The following PSIP1 variants were observed in gnomAD, a reference collection of about 807,000 sequenced individuals.
PSIP1 encodes PC4 and SRSF1 interacting protein 1.
A neutral mutation model predicts 74.7 loss-of-function variants in PSIP1; 19 were observed. That is an observed-to-expected ratio of 0.25 (90% CI 0.18 to 0.37). The LOEUF is 0.37. PSIP1 is among the 10% of genes least tolerant of loss of function. The pLI is 1.00. For missense variants in PSIP1, 601 were observed against 614.3 expected, an observed-to-expected ratio of 0.98 and a Z score of 0.23; for synonymous variants, 222 against 195.3, an observed-to-expected ratio of 1.14 and a Z score of -1.14.
chr9:15,472,331 C>A, intron 10 of PSIP1: 1 of 1,134,466 alleles, frequency 8.8e-7, no homozygotes, highest in Non-Finnish European at 1.1e-6. Flanking sequence ...TTATATTATA[C>A]AAACAAATGG....
At chr9:15,479,304 C>G (rs983698584) in intron 7 of PSIP1, among the ~76,000 whole-genome samples, 1 of 152,208 alleles carries the variant, frequency 6.6e-6, no homozygotes, top group African/African-American at 2.4e-5. Flanking sequence ...TCTTACGACT[C>G]TTAAGTGAAA....
intron 6 of PSIP1, among the ~76,000 whole-genome samples, chr9:15,482,206 C>G (rs1318697262): frequency 6.6e-6 from 1 of 152,138 alleles, no homozygotes; most frequent in African/African-American, 2.4e-5. Flanking sequence ...TTTGCTGTAT[C>G]TGTCCCACAA....
intron 3 of PSIP1, among the ~76,000 whole-genome samples, chr9:15,500,035 A>G (rs1307045275): frequency 1.3e-5 from 2 of 152,138 alleles, no homozygotes; most frequent in Non-Finnish European, 2.9e-5. Context: ...TCATTTCTAC[A>G]TTACTAAATC....
At position 15,510,109 on chromosome 9, in the gene PSIP1, T is replaced by C. The variant is rs147272916; in HGVS notation, c.72+8A>G. 3,554 of 1,601,626 alleles carry C rather than the reference T, an allele frequency of 2.2e-3. 57 individuals carry two copies. In the African/African-American group the frequency reaches 0.038, roughly 17 times the overall value. ...CACTGCTAAGCGCGAGGGCTACAAA[T>C]CACTTACTCGAGCTGGCCAATGGGG... On this transcript the variant is annotated splice_region_variant and intron_variant, in intron 2 of 15. Coordinates refer to ENST00000380733, the MANE Select transcript of PSIP1 (RefSeq NM_033222.5).
At chr9:15,474,311 T>C in intron 8 of PSIP1, 74 bp from the exon 9 acceptor site, 2 of 1,320,632 alleles carry the variant, frequency 1.5e-6, no homozygotes, top group South Asian at 1.5e-5. Flanking sequence ...TAAGCTATAA[T>C]TTTTAATTTA....
intron 3 of PSIP1, among the ~76,000 whole-genome samples, chr9:15,501,158 G>C: frequency 6.6e-6 from 1 of 151,838 alleles, no homozygotes; most frequent in East Asian, 1.9e-4. Context: ...TATATAGCAG[G>C]TAAATGGCAG....
chr9:15,475,705 T>C (rs1198363628), intron 8 of PSIP1, among the ~76,000 whole-genome samples: 1 of 152,144 alleles, frequency 6.6e-6, no homozygotes, highest in Non-Finnish European at 1.5e-5. Flanking sequence ...AAAAGATTAT[T>C]TCAAGGTGTG....
chr9:15,488,477 C>T (rs1221370138), intron 4 of PSIP1, among the ~76,000 whole-genome samples: 1 of 152,138 alleles, frequency 6.6e-6, no homozygotes, highest in Non-Finnish European at 1.5e-5. Flanking sequence ...GAAACTGTCC[C>T]AATTATCTTC....
At chr9:15,496,818 T>G (rs2037096542) in intron 3 of PSIP1, among the ~76,000 whole-genome samples, 1 of 152,220 alleles carries the variant, frequency 6.6e-6, no homozygotes, top group Non-Finnish European at 1.5e-5. Flanking sequence ...TTTTTTTTAG[T>G]TCACATAATT....
At chr9:15,466,414 C>T (rs1477010870) in intron 15 of PSIP1, among the ~76,000 whole-genome samples, 1 of 152,140 alleles carries the variant, frequency 6.6e-6, no homozygotes, top group Non-Finnish European at 1.5e-5. Context: ...TGTGATTCTC[C>T]ATCTAACTTT....
At chr9:15,492,983 C>T (rs957206072) in intron 3 of PSIP1, among the ~76,000 whole-genome samples, 5 of 152,168 alleles carry the variant, frequency 3.3e-5, no homozygotes, top group Non-Finnish European at 5.9e-5. Context: ...CTAGGCCTCT[C>T]GTCCTATGAT....
rs2035730723 is a variant in PSIP1 at position 15,468,712 on chromosome 9, T to C, written c.1338A>G (p.Glu446=). The C allele has an allele frequency of 6.2e-7, 1 of 1,614,016 alleles. No homozygotes were observed. The stretch of plus-strand genomic sequence containing the variant: ...TATTCGCTTCCTCATGCTGTCTTTG[T>C]TCAGCAAGAGATTTATTCAGCACTT... ...ITQVLNKSLA[E]QRQHEEANKT... Residue 446 remains glutamate, a synonymous_variant, in exon 14 of 16, where the codon GAA becomes GAG. Transcript: ENST00000380733.
rs1171636494 is a variant in PSIP1 at position 15,464,263 on chromosome 9, AAC to A, written c.*1255_*1256del. ...GCAAAAATGCAATTCTGTAGATGAA[AAC>A]AGTTATCTCAGAGGGTCAACCACAC... On this transcript the variant is annotated 3_prime_UTR_variant, in exon 16 of 16. Transcript: ENST00000380733. 2.1e-5 allele frequency: 4 copies of A among 193,872 alleles called. No homozygotes were observed. The East Asian group carries it at 2.5e-4, about 12-fold the overall frequency. The allele number at this position is 193,872 out of a possible 1,614,324, so 12.0% of individuals were successfully genotyped here.
intron 10 of PSIP1, chr9:15,471,908 GAGAAA>G (rs1402067069): frequency 1.0e-5 from 10 of 982,536 alleles, no homozygotes; most frequent in Non-Finnish European, 1.2e-5. Flanking sequence ...GACGCTTCAC[GAGAAA>G]AGAAAAGCAT....
intron 8 of PSIP1, 68 bp downstream of exon 8, chr9:15,478,409 G>C (rs2036190472): frequency 9.0e-7 from 1 of 1,113,116 alleles, no homozygotes; most frequent in Non-Finnish European, 1.3e-6. Context: ...TAAAATCGCA[G>C]AGATATGTGC....
intron 7 of PSIP1, among the ~76,000 whole-genome samples, chr9:15,479,237 TTAA>T (rs1182432940): frequency 6.6e-6 from 1 of 152,118 alleles, no homozygotes; most frequent in South Asian, 2.1e-4. Flanking sequence ...ATTTAAAATA[TTAA>T]TGACTTTAAT....
chr9:15,501,855 AT>A (rs1373243870), intron 3 of PSIP1, among the ~76,000 whole-genome samples: 5 of 147,312 alleles, frequency 3.4e-5, no homozygotes, highest in East Asian at 2.0e-4. Flanking sequence ...ATATATATAT[AT>A]ATATATATAT....
rs762656482 is a variant in PSIP1 at position 15,486,105 on chromosome 9, T to C, written c.394-37A>G. 7 of 1,487,242 alleles carry C rather than the reference T, an allele frequency of 4.7e-6. No individual in the cohort carries two copies. The South Asian group carries it at 7.3e-5, about 15-fold the overall frequency. 92.1% of individuals were successfully genotyped at this position (1,487,242 alleles called of 1,614,324 possible). A position where few individuals can be genotyped will look rare whatever the true frequency, so the allele number is the denominator to read the frequency against. ...AAAAGAAAACTGAATACTGAATAAA[T>C]TATTCCAGGAATGAAAGAAACCTTG... On this transcript the variant is annotated intron_variant, in intron 5 of 15. Coordinates refer to ENST00000380733, the MANE Select transcript of PSIP1 (RefSeq NM_033222.5).
At chr9:15,465,606 C>A (rs766998099) in intron 15 of PSIP1, 26 bp from the exon 16 acceptor site, 6 of 1,523,806 alleles carry the variant, frequency 3.9e-6, no homozygotes, top group African/African-American at 1.4e-5. Context: ...AAAGGTACAA[C>A]TGGAATTAGG....
Sources: allele counts gnomAD v4.1 joint callset (sites outside exome capture counted in the v4.1 genomes callset), GRCh38; gene constraint gnomAD v4.1.1; transcripts MANE v1.5; gene names NCBI Gene and HGNC (gene_info 2026-07-23, HGNC 2026-07-21).